Variants in PLCB1 observed in about 807,000 individuals in gnomAD.
PLCB1 encodes the protein phospholipase C beta 1, also known as 1-phosphatidylinositol 4,5-bisphosphate phosphodiesterase beta-1.
A neutral mutation model predicts 161.8 loss-of-function variants in PLCB1; 46 were observed. That is an observed-to-expected ratio of 0.28 (90% CI 0.22 to 0.36). The LOEUF is 0.36. PLCB1 is among the 10% of genes least tolerant of loss of function. PLCB1 has a pLI of 1.00. For missense variants in PLCB1, 1,016 were observed against 1,472.5 expected (o/e 0.69, Z 5.07); for synonymous variants, 517 against 503.7 (o/e 1.03, Z -0.35).
chr20:8,770,641 G>A (rs967905791), intron 26 of PLCB1, among the ~76,000 whole-genome samples: 9 of 152,108 alleles, frequency 5.9e-5, no homozygotes, highest in Non-Finnish European at 1.0e-4. Context: ...CTGGAAAGGC[G>A]GGACAACTCG....
At chr20:8,144,229 C>T (rs956879775) in intron 1 of PLCB1, among the ~76,000 whole-genome samples, 1 of 152,168 alleles carries the variant, frequency 6.6e-6, no homozygotes, top group African/African-American at 2.4e-5. Context: ...TGCATACCCA[C>T]CAGAGCTATA....
At chr20:8,701,020 T>C (rs1990691211) in intron 11 of PLCB1, among the ~76,000 whole-genome samples, 1 of 152,168 alleles carries the variant, frequency 6.6e-6, no homozygotes, top group Non-Finnish European at 1.5e-5. Flanking sequence ...ACGTCTTTGC[T>C]CTCAGGGCTG....
At chr20:8,588,372 A>C (rs552096013) in intron 3 of PLCB1, among the ~76,000 whole-genome samples, 5 of 152,318 alleles carry the variant, frequency 3.3e-5, no homozygotes, top group African/African-American at 1.2e-4. Context: ...ATGTGTATGC[A>C]ACCAGGATTC....
intron 2 of PLCB1, among the ~76,000 whole-genome samples, chr20:8,195,514 C>T (rs527601749): frequency 6.6e-6 from 1 of 152,134 alleles, no homozygotes; most frequent in South Asian, 2.1e-4. Flanking sequence ...CCTCTTCATC[C>T]AACTTCCCCT....
At position 8,676,394 on chromosome 20, in the gene PLCB1, AAAGAAAGAAAGAAAGAAAGAG is replaced by A. The variant is rs1004352066; in HGVS notation, c.863-8515_863-8495del. Among the ~76,000 whole-genome samples the A allele has an allele frequency of 1.3e-4, 19 of 149,562 alleles. No homozygotes were observed. In the East Asian group the frequency reaches 2.7e-3, roughly 22 times the overall value. ...AGAAAAAGAAAGAAGAAAGAGAGAC[AAAGAAAGAAAGAAAGAAAGAG>A]AAGAAAGAAAGAAAGAAAGAGAGAA... On this transcript the variant is annotated intron_variant, in intron 9 of 31. Coordinates refer to ENST00000338037, the MANE Select transcript of PLCB1 (RefSeq NM_015192.4).
At chr20:8,738,716 C>T (rs1980711549) in intron 20 of PLCB1, among the ~76,000 whole-genome samples, 1 of 152,066 alleles carries the variant, frequency 6.6e-6, no homozygotes, top group African/African-American at 2.4e-5. Flanking sequence ...TAACAAATGC[C>T]TCATTAAGGC....
At chr20:8,567,651 A>C (rs1387676660) in intron 3 of PLCB1, among the ~76,000 whole-genome samples, 1 of 152,052 alleles carries the variant, frequency 6.6e-6, no homozygotes, top group African/African-American at 2.4e-5. Context: ...AGTAGTCGAA[A>C]CTTCATTGCT....
chr20:8,276,511 T>G, intron 2 of PLCB1, among the ~76,000 whole-genome samples: 1 of 152,242 alleles, frequency 6.6e-6, no homozygotes, highest in East Asian at 1.9e-4. Flanking sequence ...GCTCCTTTCA[T>G]TGTTATGTCA....
At chr20:8,838,465 G>C (rs6140742) in intron 31 of PLCB1, among the ~76,000 whole-genome samples, 48,719 of 152,064 alleles carry the variant, frequency 0.32, 8,790 homozygotes, top group East Asian at 0.63. Flanking sequence ...TCACAGTGAA[G>C]TTCATGAGTC....
In PLCB1 at chr20:8,169,679, C is replaced by T. The variant is rs911886649; in HGVS notation, c.177+19308C>T. 8.5e-5 allele frequency among the ~76,000 whole-genome samples: 13 copies of T among 152,096 alleles called. 1 individual carries two copies. Among genetic ancestry groups the T allele is most frequent in the Non-Finnish European group, 1.5e-5 (1 of 68,016 alleles). The stretch of plus-strand genomic sequence containing the variant: ...AGTTGCAGATAAATCCCTGATTGGA[C>T]AACTATCTAAGAGTTAGTAGATCCA... On this transcript the variant is annotated intron_variant, in intron 2 of 31. Coordinates refer to ENST00000338037, the MANE Select transcript of PLCB1 (RefSeq NM_015192.4).
chr20:8,332,811 C>T (rs1985415648), intron 2 of PLCB1, among the ~76,000 whole-genome samples: 1 of 152,188 alleles, frequency 6.6e-6, no homozygotes, highest in African/African-American at 2.4e-5. Context: ...GTCAGAAGAA[C>T]TATTTGTGTG....
intron 3 of PLCB1, among the ~76,000 whole-genome samples, chr20:8,387,985 A>G (rs1399121303): frequency 1.3e-5 from 2 of 151,138 alleles, no homozygotes; most frequent in Non-Finnish European, 3.0e-5. Context: ...TTTAAAAAAA[A>G]AAAAAAAAAA....
intron 23 of PLCB1, among the ~76,000 whole-genome samples, chr20:8,750,227 G>T (rs746746566): frequency 1.3e-5 from 2 of 152,110 alleles, no homozygotes; most frequent in Non-Finnish European, 2.9e-5. Context: ...TCCAGTTACC[G>T]CTGGAAGAAC....
Position 8,757,196 on chromosome 20 carries a change from A to G in PLCB1, c.2656+18A>G. ...AGCTCCAGGTAAGCCATCTGGAAAG[A>G]GCTGGACAACATGAGCAAGATCCTC... On this transcript the variant is annotated intron_variant, in intron 24 of 31. Transcript: ENST00000338037. The G allele has an allele frequency of 6.3e-7, 1 of 1,599,800 alleles. No individual in the cohort carries two copies. Among genetic ancestry groups the G allele is most frequent in the Non-Finnish European group, 8.5e-7 (1 of 1,174,384 alleles).
rs957117719 is a variant in PLCB1, at chr20:8,456,056, G to A, written c.246+84606G>A. Reference sequence around the variant, plus strand: ...ATCTTGCTTGGATGCTTGATACAGAGAAAATCAAAGATTTGGTTTCAAATT... The same window carrying A: ...ATCTTGCTTGGATGCTTGATACAGAAAAAATCAAAGATTTGGTTTCAAATT... On this transcript the variant is annotated intron_variant, in intron 3 of 31. Transcript: ENST00000338037. 9.8e-5 allele frequency among the ~76,000 whole-genome samples: 15 copies of A among 152,292 alleles called. No individual in the cohort carries two copies. The East Asian group carries it at 2.7e-3, about 27-fold the overall frequency.
intron 3 of PLCB1, among the ~76,000 whole-genome samples, chr20:8,464,611 C>T (rs1182297021): frequency 1.3e-5 from 2 of 152,180 alleles, no homozygotes; most frequent in Non-Finnish European, 1.5e-5. Flanking sequence ...CTGGATGACT[C>T]AGCAGGTTTG....
intron 27 of PLCB1, among the ~76,000 whole-genome samples, chr20:8,781,805 C>G (rs1983253046): frequency 6.6e-6 from 1 of 152,152 alleles, no homozygotes; most frequent in Non-Finnish European, 1.5e-5. Context: ...GGAAACTCCC[C>G]AATATAATAC....
chr20:8,409,998 T>C (rs1250091168), intron 3 of PLCB1, among the ~76,000 whole-genome samples: 1 of 151,670 alleles, frequency 6.6e-6, no homozygotes, highest in African/African-American at 2.4e-5. Flanking sequence ...ATTTTCCTGA[T>C]AGCTAAAAAA....
At chr20:8,240,814 A>T (rs989658754) in intron 2 of PLCB1, among the ~76,000 whole-genome samples, 8 of 151,940 alleles carry the variant, frequency 5.3e-5, no homozygotes, top group African/African-American at 1.9e-4. Context: ...TCTACATCAA[A>T]TTTTTTCCAA....
Sources: allele counts gnomAD v4.1 joint callset (sites outside exome capture counted in the v4.1 genomes callset), GRCh38; gene constraint gnomAD v4.1.1; transcripts MANE v1.5; gene names NCBI Gene and HGNC (gene_info 2026-07-23, HGNC 2026-07-21).